Variants in AGPAT4 observed in about 807,000 individuals in gnomAD.
The protein encoded by AGPAT4 is 1-acylglycerol-3-phosphate O-acyltransferase 4.
In AGPAT4, 15 loss-of-function variants were observed where a neutral mutation model predicts 48.0. That is an observed-to-expected ratio of 0.31 (90% CI 0.21 to 0.48). AGPAT4 has a LOEUF of 0.48. Ranked by LOEUF, AGPAT4 falls within the 20% of genes least tolerant of loss-of-function variation. AGPAT4 has a pLI of 0.99. For synonymous variants in AGPAT4, 178 were observed against 198.7 expected (o/e 0.90, Z 0.88); for missense variants, 314 against 482.5 (o/e 0.65, Z 3.27).
Position 161,143,006 on chromosome 6 carries a change from C to A in AGPAT4, c.844-3386G>T, listed in dbSNP as rs973022749. The stretch of plus-strand genomic sequence containing the variant: ...CGGGCCACCATGCCTGCACCCTGAA[C>A]TCTGCACCCCACCCAGAGCTGCTCC... On this transcript the variant is annotated intron_variant, in intron 7 of 8. Coordinates refer to ENST00000320285, the MANE Select transcript of AGPAT4 (RefSeq NM_020133.3). The surrounding 1 kb of genome is among the most constrained non-coding windows in gnomAD (Gnocchi z 4.7). Among the ~76,000 whole-genome samples the A allele has an allele frequency of 6.6e-6, 1 of 152,238 alleles. No individual in the cohort carries two copies. Among genetic ancestry groups the A allele is most frequent in the Non-Finnish European group, 1.5e-5 (1 of 68,044 alleles).
rs553175168 is a variant in AGPAT4 at position 161,258,640 on chromosome 6, T to C, written c.-90+15298A>G. ...ACCACCTATATATGTTGGGAGATGG[T>C]TCTTATTTCTCCTCCCCACCCCACT... On this transcript the variant is annotated intron_variant, in intron 1 of 8. Transcript: ENST00000320285. Among the ~76,000 whole-genome samples, 43 of 152,154 alleles carry C rather than the reference T, an allele frequency of 2.8e-4. No homozygotes were observed. In the South Asian group the frequency reaches 8.7e-3, roughly 31 times the overall value.
At chr6:161,173,489 T>C (rs548311306) in intron 2 of AGPAT4, among the ~76,000 whole-genome samples, 1 of 152,118 alleles carries the variant, frequency 6.6e-6, no homozygotes, top group South Asian at 2.1e-4. Context: ...TTTGATGGGG[T>C]TGTTTGATTT....
chr6:161,170,972 T>C (rs1008072596), intron 2 of AGPAT4, among the ~76,000 whole-genome samples: 2 of 152,184 alleles, frequency 1.3e-5, no homozygotes, highest in Admixed American at 6.5e-5. Context: ...GCTCACTCCA[T>C]GGAAAGGGCA....
At chr6:161,185,137 ATGTTT>A (rs1780730346) in intron 2 of AGPAT4, among the ~76,000 whole-genome samples, 1 of 118,652 alleles carries the variant, frequency 8.4e-6, no homozygotes. Context: ...AATACTCCAA[ATGTTT>A]AAAAAAAAAA....
At chr6:161,193,310 A>G in intron 2 of AGPAT4, among the ~76,000 whole-genome samples, 1 of 152,296 alleles carries the variant, frequency 6.6e-6, no homozygotes, top group East Asian at 1.9e-4. Context: ...TTTTCAATCC[A>G]GTAGTTTCTT....
intron 1 of AGPAT4, among the ~76,000 whole-genome samples, chr6:161,248,443 G>A (rs1348428115): frequency 1.3e-5 from 2 of 151,830 alleles, no homozygotes; most frequent in African/African-American, 2.4e-5. Flanking sequence ...GCATGGTGGT[G>A]GGCCCCTGTA....
intron 2 of AGPAT4, among the ~76,000 whole-genome samples, chr6:161,179,414 C>T (rs1347781245): frequency 2.0e-5 from 3 of 152,192 alleles, no homozygotes; most frequent in Non-Finnish European, 4.4e-5. Flanking sequence ...ACACCTTGAC[C>T]TCAGGCAGCG....
rs1783299939 is a variant in AGPAT4 at position 161,267,507 on chromosome 6, A to G, written c.-90+6431T>C. ...ACTGGGCAGATTGCTTGAAGTCAGGAGTTCGAGACCAGCCTGGCCAACATG... is the reference window on the plus strand; with the variant it reads ...ACTGGGCAGATTGCTTGAAGTCAGGGGTTCGAGACCAGCCTGGCCAACATG... On this transcript the variant is annotated intron_variant, in intron 1 of 8. Coordinates refer to ENST00000320285, the MANE Select transcript of AGPAT4 (RefSeq NM_020133.3). The surrounding 1 kb of genome is among the most constrained non-coding windows in gnomAD (Gnocchi z 5.2). Among the ~76,000 whole-genome samples, 1 of 152,118 alleles carries G rather than the reference A, an allele frequency of 6.6e-6. No individual in the cohort carries two copies. Among genetic ancestry groups the G allele is most frequent in the Non-Finnish European group, 1.5e-5 (1 of 68,034 alleles).
rs1426950186 is a variant in AGPAT4, at chr6:161,215,195, C to T, written c.178+16841G>A. Among the ~76,000 whole-genome samples, 2 of 152,192 alleles carry T rather than the reference C, an allele frequency of 1.3e-5. No individual in the cohort carries two copies. Among genetic ancestry groups the T allele is most frequent in the Non-Finnish European group, 2.9e-5 (2 of 68,038 alleles). ...AATTTGGCAAGCTACATTAATGACC[C>T]TATTTAACTTATGATCCTACTCTTC... On this transcript the variant is annotated intron_variant, in intron 2 of 8. Transcript: ENST00000320285. This position sits in a 1 kb window ranked among gnomAD's most constrained non-coding sequence, Gnocchi z 4.5.
rs1313397194 is a variant in AGPAT4 at position 161,221,821 on chromosome 6, C to T, written c.178+10215G>A. Among the ~76,000 whole-genome samples the T allele has an allele frequency of 6.6e-6, 1 of 152,194 alleles. No homozygotes were observed. The highest frequency in any genetic ancestry group is 6.5e-5 in the Admixed American group (1 of 15,274). ...GTCCTCGTATCTTCACATCGTCTTC[C>T]TCTCTGCATGTCTTTCTCTGTGTCC... On this transcript the variant is annotated intron_variant, in intron 2 of 8. Coordinates refer to ENST00000320285, the MANE Select transcript of AGPAT4 (RefSeq NM_020133.3). The surrounding 1 kb of genome is among the most constrained non-coding windows in gnomAD (Gnocchi z 4.5).
In AGPAT4 at chr6:161,231,885, G is replaced by C. The variant is rs909079661; in HGVS notation, c.178+151C>G. The stretch of plus-strand genomic sequence containing the variant: ...TCAAAAAATAATTTTGGGGGATTGA[G>C]AACAAAATAGCCATTTCAAACCTAA... On this transcript the variant is annotated intron_variant, in intron 2 of 8. Transcript: ENST00000320285. The surrounding 1 kb of genome is among the most constrained non-coding windows in gnomAD (Gnocchi z 5.3). The C allele has an allele frequency of 1.5e-5, 11 of 742,586 alleles. No individual in the cohort carries two copies. The highest frequency in any genetic ancestry group is 2.3e-5 in the Non-Finnish European group (11 of 483,832). The allele number at this position is 742,586 out of a possible 1,614,324, so 46.0% of individuals were successfully genotyped here.
At chr6:161,156,585 A>G (rs541612366) in intron 3 of AGPAT4, among the ~76,000 whole-genome samples, 1 of 152,370 alleles carries the variant, frequency 6.6e-6, no homozygotes, top group East Asian at 1.9e-4. Context: ...TAGCATTATT[A>G]TGACTTTATG....
rs930539090 is a variant in AGPAT4 at position 161,138,478 on chromosome 6, A to G, written c.1042+944T>C. Among the ~76,000 whole-genome samples the G allele has an allele frequency of 6.6e-6, 1 of 152,188 alleles. No homozygotes were observed. The highest frequency in any genetic ancestry group is 2.4e-5 in the African/African-American group (1 of 41,452). On this transcript the variant is annotated intron_variant, in intron 8 of 8. Transcript: ENST00000320285. The surrounding 1 kb of genome is among the most constrained non-coding windows in gnomAD (Gnocchi z 4.8). The stretch of plus-strand genomic sequence containing the variant: ...CTGATACGGGTTTATAGATGCACAT[A>G]TGCTTGAGACTGGAACCACCACGTG...
In AGPAT4 at chr6:161,131,804, C is replaced by G. The variant is rs1235658603; in HGVS notation, c.*4736G>C. 1.3e-5 allele frequency: 2 copies of G among 152,238 alleles called. No individual in the cohort carries two copies. Among genetic ancestry groups the G allele is most frequent in the Non-Finnish European group, 2.9e-5 (2 of 68,042 alleles). The allele number at this position is 152,238 out of a possible 1,614,324, so 9.4% of individuals were successfully genotyped here. ...GAATGTCCTGGACCAAGAGGAACAGCAACATGTCCTTAGTCCTCAGCCTAA... is the reference window on the plus strand; with the variant it reads ...GAATGTCCTGGACCAAGAGGAACAGGAACATGTCCTTAGTCCTCAGCCTAA... On this transcript the variant is annotated 3_prime_UTR_variant, in exon 9 of 9. Transcript: ENST00000320285.
At position 161,149,192 on chromosome 6, in the gene AGPAT4, A is replaced by G. The variant is rs1021777488; in HGVS notation, c.762T>C (p.Tyr254=). Residue 254 remains tyrosine (Y), a synonymous_variant, in exon 6 of 9, where the codon TAT becomes TAC. Coordinates refer to ENST00000320285, the MANE Select transcript of AGPAT4 (RefSeq NM_020133.3). This position sits in a 1 kb window ranked among gnomAD's most constrained non-coding sequence, Gnocchi z 6.5. ...LNGKKYHADL[Y]VRRIPLEDIP... ...AAGGAAACAGTTCGACTTACCTAAC[A>G]TACAAATCTGCATGGTATTTCTTTC... 2 of 1,611,978 alleles carry G rather than the reference A, an allele frequency of 1.2e-6. 1 individual carries two copies. The highest frequency in any genetic ancestry group is 4.5e-5 in the East Asian group (2 of 44,880).
chr6:161,160,545 C>T, intron 3 of AGPAT4: 1 of 180,190 alleles, frequency 5.5e-6, no homozygotes, highest in Non-Finnish European at 1.2e-5. Flanking sequence ...GACTGGCCTC[C>T]TCCAGCCAAC....
chr6:161,175,306 AT>A (rs1331900726), intron 2 of AGPAT4, among the ~76,000 whole-genome samples: 2 of 152,156 alleles, frequency 1.3e-5, no homozygotes, highest in East Asian at 3.9e-4. Context: ...TAGGCTATTA[AT>A]TATTGCCTCA....
At chr6:161,151,318 G>C (rs150548897) in intron 5 of AGPAT4, among the ~76,000 whole-genome samples, 1 of 152,348 alleles carries the variant, frequency 6.6e-6, no homozygotes, top group Non-Finnish European at 1.5e-5. Flanking sequence ...GTGCGTACAG[G>C]GCCTGGCGTG....
Position 161,132,609 on chromosome 6 carries a change from C to CAGA in AGPAT4, c.*3928_*3930dup, listed in dbSNP as rs772900869. 5 of 152,432 alleles carry CAGA rather than the reference C, an allele frequency of 3.3e-5. No homozygotes were observed. The highest frequency in any genetic ancestry group is 6.5e-5 in the Admixed American group (1 of 15,312). The allele number at this position is 152,432 out of a possible 1,614,324, so 9.4% of individuals were successfully genotyped here. Reference sequence around the variant, plus strand: ...CCCCGTGCCAAGGCGTGACTAGGACCAGAAGAATCAGAAAGCATGGTGGAG... The same window carrying CAGA: ...CCCCGTGCCAAGGCGTGACTAGGACCAGAAGAAGAATCAGAAAGCATGGTGGAG... On this transcript the variant is annotated 3_prime_UTR_variant, in exon 9 of 9. Coordinates refer to ENST00000320285, the MANE Select transcript of AGPAT4 (RefSeq NM_020133.3).
Sources: allele counts gnomAD v4.1 joint callset (sites outside exome capture counted in the v4.1 genomes callset), GRCh38; gene constraint gnomAD v4.1.1; non-coding constraint Gnocchi (gnomAD v3.1); transcripts MANE v1.5; gene names NCBI Gene and HGNC (gene_info 2026-07-23, HGNC 2026-07-21).